ADAMTSL1: variants seen among roughly 807,000 people sequenced by gnomAD.
ADAMTSL1 encodes the protein ADAMTS like 1.
In ADAMTSL1, 126 loss-of-function variants were observed where a neutral mutation model predicts 201.8. The observed-to-expected ratio is 0.62, with a 90% CI of 0.54 to 0.72. ADAMTSL1 has a LOEUF of 0.72. ADAMTSL1 is among the 30% of genes least tolerant of loss of function. The pLI is 0.00. For missense variants in ADAMTSL1, 2,679 were observed against 2,277.8 expected (o/e 1.18, Z -3.59); for synonymous variants, 1,121 against 903.4 (o/e 1.24, Z -4.32).
intron 1 of ADAMTSL1, among the ~76,000 whole-genome samples, chr9:18,153,738 T>C (rs868788248): frequency 2.0e-5 from 3 of 152,056 alleles, no homozygotes; most frequent in South Asian, 4.1e-4. Flanking sequence ...AATCACTTTA[T>C]GTCATTTCAC....
At chr9:17,927,518 C>T (rs964449471) in intron 1 of ADAMTSL1, among the ~76,000 whole-genome samples, 1 of 151,730 alleles carries the variant, frequency 6.6e-6, no homozygotes, top group Non-Finnish European at 1.5e-5. Context: ...ATATGGCCCT[C>T]TGTATCTATG....
chr9:18,298,803 C>T lies in ADAMTSL1; in HGVS notation c.207+134822C>T, dbSNP rs576689466. 5.3e-5 allele frequency among the ~76,000 whole-genome samples: 8 copies of T among 151,896 alleles called. No individual in the cohort carries two copies. The South Asian group carries it at 1.5e-3, about 28-fold the overall frequency. On this transcript the variant is annotated intron_variant, in intron 2 of 29. Transcript: ENST00000680146. ...CTTTGGGAGGCCGCAGCGGGCGGAT[C>T]ACGAGGTCAGGAGATCGAGACCACG...
intron 4 of ADAMTSL1, among the ~76,000 whole-genome samples, chr9:18,603,215 A>G (rs1345611176): frequency 6.6e-6 from 1 of 152,146 alleles, no homozygotes; most frequent in Middle Eastern, 3.2e-3. Context: ...TCTTGGAGGT[A>G]TGATTGGTAC....
chr9:18,520,026 G>GA (rs886383061), intron 2 of ADAMTSL1, among the ~76,000 whole-genome samples: 27 of 150,560 alleles, frequency 1.8e-4, no homozygotes, highest in Non-Finnish European at 2.7e-4. Context: ...TACTTGTTTG[G>GA]AAAAAAAAAT....
At chr9:17,922,204 T>C (rs573413602) in intron 1 of ADAMTSL1, among the ~76,000 whole-genome samples, 1 of 152,148 alleles carries the variant, frequency 6.6e-6, no homozygotes, top group East Asian at 1.9e-4. Flanking sequence ...GGATGATCTC[T>C]AAGTGGAGAA....
intron 7 of ADAMTSL1, 47 bp from the exon 8 acceptor site, chr9:18,657,592 A>G (rs376640618): frequency 1.5e-5 from 21 of 1,443,622 alleles, no homozygotes; most frequent in African/African-American, 1.1e-4. Context: ...GGGACCAGAA[A>G]GCACCGCACT....
intron 2 of ADAMTSL1, among the ~76,000 whole-genome samples, chr9:18,290,776 TGTGTG>T (rs796768963): frequency 0.024 from 1,760 of 74,246 alleles, 84 homozygotes; most frequent in African/African-American, 0.094. Context: ...TGGCTTTTTT[TGTGTG>T]TTTTTTTTTT....
chr9:18,632,596 C>T (rs973878603), intron 5 of ADAMTSL1, among the ~76,000 whole-genome samples: 2 of 152,080 alleles, frequency 1.3e-5, no homozygotes, highest in African/African-American at 2.4e-5. Context: ...AGGACCATCT[C>T]GTGGGGCTAG....
Position 18,702,766 on chromosome 9 carries a change from GT to G in ADAMTSL1, c.1575-3968del, listed in dbSNP as rs1046524681. ...AACAGTAGTGTTGCTAACAAAAAGA[GT>G]TTTTTTTTTTTTCAAGCCGGAGTCT... On this transcript the variant is annotated intron_variant, in intron 13 of 28. Coordinates refer to ENST00000380548, the MANE Select transcript of ADAMTSL1 (RefSeq NM_001040272.6). Among the ~76,000 whole-genome samples the G allele has an allele frequency of 2.9e-3, 427 of 149,260 alleles. 3 individuals carry two copies. The highest frequency in any genetic ancestry group is 9.9e-3 in the African/African-American group (398 of 40,306).
chr9:18,170,673 G>C (rs10963493), intron 2 of ADAMTSL1, among the ~76,000 whole-genome samples: 72,520 of 151,894 alleles, frequency 0.48, 17,680 homozygotes, highest in Admixed American at 0.55. Context: ...AAAAAGCCTG[G>C]ATTGTTTTAA....
At chr9:18,806,118 G>C (rs1159419423) in intron 20 of ADAMTSL1, among the ~76,000 whole-genome samples, 1 of 152,206 alleles carries the variant, frequency 6.6e-6, no homozygotes, top group Non-Finnish European at 1.5e-5. Context: ...AAGACCCATT[G>C]GATCCATCCA....
At chr9:18,284,422 A>C (rs1832918875) in intron 2 of ADAMTSL1, among the ~76,000 whole-genome samples, 1 of 152,080 alleles carries the variant, frequency 6.6e-6, no homozygotes, top group African/African-American at 2.4e-5. Flanking sequence ...TCTTTATTTA[A>C]TATTATATCA....
intron 23 of ADAMTSL1, among the ~76,000 whole-genome samples, chr9:18,854,183 A>G (rs1014006672): frequency 6.6e-6 from 1 of 152,118 alleles, no homozygotes; most frequent in Non-Finnish European, 1.5e-5. Flanking sequence ...GCCTTATAAT[A>G]TCTTTTTGTC....
intron 5 of ADAMTSL1, among the ~76,000 whole-genome samples, chr9:18,633,535 G>A (rs1018903846): frequency 1.3e-5 from 2 of 151,564 alleles, no homozygotes; most frequent in African/African-American, 4.8e-5. Context: ...GTTGCAGTGA[G>A]TCAAGATCAC....
chr9:18,237,950 T>G (rs913943696), intron 2 of ADAMTSL1, among the ~76,000 whole-genome samples: 1 of 152,256 alleles, frequency 6.6e-6, no homozygotes, highest in African/African-American at 2.4e-5. Context: ...CACTAGGGCA[T>G]ATGGCAGAGG....
At chr9:18,250,403 G>T (rs13294676) in intron 2 of ADAMTSL1, among the ~76,000 whole-genome samples, 1 of 152,204 alleles carries the variant, frequency 6.6e-6, no homozygotes, top group African/African-American at 2.4e-5. Context: ...TACCAGTGAG[G>T]ACTGTGGTTC....
chr9:18,319,914 G>C (rs941071558), intron 2 of ADAMTSL1, among the ~76,000 whole-genome samples: 28 of 152,280 alleles, frequency 1.8e-4, no homozygotes, highest in African/African-American at 6.7e-4. Context: ...CTCGGCTGGA[G>C]TCAGAGAAAC....
intron 23 of ADAMTSL1, among the ~76,000 whole-genome samples, chr9:18,863,072 C>G (rs1047874938): frequency 6.6e-6 from 1 of 152,258 alleles, no homozygotes; most frequent in South Asian, 2.1e-4. Flanking sequence ...CCAGTCAATC[C>G]TGGAGAAGCA....
chr9:18,298,569 G>C (rs554366816), intron 2 of ADAMTSL1, among the ~76,000 whole-genome samples: 1 of 151,678 alleles, frequency 6.6e-6, no homozygotes, highest in African/African-American at 2.4e-5. Context: ...GTTATTCAGT[G>C]CTTATTGTGA....
Sources: allele counts gnomAD v4.1 joint callset (sites outside exome capture counted in the v4.1 genomes callset), GRCh38; gene constraint gnomAD v4.1.1; transcripts MANE v1.5; gene names NCBI Gene and HGNC (gene_info 2026-07-23, HGNC 2026-07-21).